The following CCDC110 variants were observed in gnomAD, a reference collection of about 807,000 sequenced individuals.
The protein encoded by CCDC110 is coiled-coil domain-containing protein 110.
Under a neutral mutation model 77.1 loss-of-function variants are expected in CCDC110, and 70 were observed. That is an observed-to-expected ratio of 0.91 (90% CI 0.75 to 1.11). The LOEUF (loss-of-function observed/expected upper bound fraction) is 1.11, where lower values mean the gene tolerates loss of function less well. CCDC110 is among the 50% of genes least tolerant of loss of function. CCDC110 has a pLI of 0.00. For synonymous variants in CCDC110, 295 were observed against 312.5 expected, an observed-to-expected ratio of 0.94 and a Z score of 0.59; for missense variants, 868 against 942.9, an observed-to-expected ratio of 0.92 and a Z score of 1.04.
chr4:185,466,297 C>T (rs1244289595), intron 2 of CCDC110, among the ~76,000 whole-genome samples: 3 of 152,076 alleles, frequency 2.0e-5, no homozygotes, highest in African/African-American at 4.8e-5. Context: ...ATCGTTTGAA[C>T]GTGGGAGGTG....
chr4:185,448,023 T>C (rs1248647812), intron 6 of CCDC110, among the ~76,000 whole-genome samples: 1 of 152,132 alleles, frequency 6.6e-6, no homozygotes, highest in Admixed American at 6.6e-5. Flanking sequence ...ACGTTTTGTC[T>C]TTTTTTCCTT....
At chr4:185,470,641 C>T (rs943657656) in intron 2 of CCDC110, 1 of 516,628 alleles carries the variant, frequency 1.9e-6, no homozygotes, top group Admixed American at 2.3e-5. Context: ...CCGGAGCCGC[C>T]CTGCTGAATG....
In CCDC110 at chr4:185,459,206, G is replaced by A. The variant is rs753439209; in HGVS notation, c.1381C>T (p.Pro461Ser). The part of the protein sequence containing the change: ...ENLNLKSKMK[P>S]LIFTTQSLIQ... ...AGAGATTGTGTGGTAAAGATAAGAG[G>A]TTTCATTTTGGACTTAAGGTTTAGA... is the stretch of plus-strand genomic sequence containing the variant. Residue 461 changes from proline to serine, a missense_variant, in exon 6 of 7, where the codon CCT becomes TCT. Physicochemically the swap from Pro to Ser is moderately conservative, Grantham distance 74. Coordinates refer to ENST00000307588, the MANE Select transcript of CCDC110 (RefSeq NM_152775.4). 6.2e-7 allele frequency: 1 copy of A among 1,603,554 alleles called. No individual in the cohort carries two copies. The highest frequency in any genetic ancestry group is 1.1e-5 in the South Asian group (1 of 88,108).
At chr4:185,452,778 G>T (rs529405087) in intron 6 of CCDC110, among the ~76,000 whole-genome samples, 1 of 151,520 alleles carries the variant, frequency 6.6e-6, no homozygotes, top group Non-Finnish European at 1.5e-5. Flanking sequence ...AACTGTAATC[G>T]CAGCTACTGG....
At chr4:185,470,706 C>T (rs1229106125) in intron 2 of CCDC110, 6 of 610,006 alleles carry the variant, frequency 9.8e-6, no homozygotes, top group Middle Eastern at 2.6e-4. Context: ...TCTCTGTGCC[C>T]GTTTCCTTAT....
At chr4:185,453,910 T>C (rs1580172971) in intron 6 of CCDC110, among the ~76,000 whole-genome samples, 1 of 151,260 alleles carries the variant, frequency 6.6e-6, no homozygotes, top group Non-Finnish European at 1.5e-5. Flanking sequence ...GCCTCCTGGG[T>C]TCACGCGATT....
chr4:185,462,790 A>G, intron 3 of CCDC110, 82 bp from the exon 4 acceptor site: 1 of 1,274,584 alleles, frequency 7.8e-7, no homozygotes, highest in Non-Finnish European at 1.1e-6. Context: ...TATGTCTCCC[A>G]AAGTTGCCTA....
At chr4:185,446,578 G>C (rs1401982643) in intron 6 of CCDC110, among the ~76,000 whole-genome samples, 1 of 151,974 alleles carries the variant, frequency 6.6e-6, no homozygotes, top group African/African-American at 2.4e-5. Context: ...AAATTTCTGG[G>C]CATCTTAAGC....
In CCDC110 at chr4:185,462,985, TAG is replaced by T. The variant is rs1264833845; in HGVS notation, c.171+7_171+8del. ...ATTTTGGAGATGATAAAATGGAATATAGACTCACTTTCAATGCTGATTGTGGT... is the reference window on the plus strand; with the variant it reads ...ATTTTGGAGATGATAAAATGGAATATACTCACTTTCAATGCTGATTGTGGT... On this transcript the variant is annotated splice_region_variant and intron_variant, in intron 3 of 6. Coordinates refer to ENST00000307588, the MANE Select transcript of CCDC110 (RefSeq NM_152775.4). 3.1e-6 allele frequency: 5 copies of T among 1,608,796 alleles called. No individual in the cohort carries two copies. The highest frequency in any genetic ancestry group is 2.7e-5 in the African/African-American group (2 of 74,818).
intron 5 of CCDC110, chr4:185,460,841 C>A: frequency 2.0e-6 from 1 of 491,546 alleles, no homozygotes. Flanking sequence ...AAATGTCCCT[C>A]ACAGACTCTT....
chr4:185,449,778 C>A (rs2095625995), intron 6 of CCDC110: 3 of 535,420 alleles, frequency 5.6e-6, no homozygotes, highest in East Asian at 3.3e-5. Flanking sequence ...AACTCTAATT[C>A]TCTTCCTTAT....
chr4:185,448,932 C>T (rs1052842047), intron 6 of CCDC110, among the ~76,000 whole-genome samples: 3 of 151,840 alleles, frequency 2.0e-5, no homozygotes, highest in East Asian at 1.9e-4. Flanking sequence ...TTTTATCTTC[C>T]GTTTAGTAAT....
At chr4:185,471,103 T>G in intron 1 of CCDC110, 54 bp from the exon 2 acceptor site, 1 of 444,554 alleles carries the variant, frequency 2.2e-6, no homozygotes, top group Admixed American at 3.6e-5. Context: ...GTGGCGGGGC[T>G]GAAGGTGGGG....
chr4:185,449,622 CTTCTT>C, intron 6 of CCDC110: 1 of 1,543,836 alleles, frequency 6.5e-7, no homozygotes, highest in South Asian at 1.2e-5. Context: ...AACTACAAGA[CTTCTT>C]CAGTACCATC....
At position 185,448,867 on chromosome 4, in the gene CCDC110, C is replaced by CATG. The variant is rs371234460; in HGVS notation, c.2462-3326_2462-3325insCAT. Among the ~76,000 whole-genome samples the CATG allele has an allele frequency of 2.0e-5, 3 of 152,028 alleles. No homozygotes were observed. In the East Asian group the frequency reaches 5.8e-4, roughly 29 times the overall value. The stretch of plus-strand genomic sequence containing the variant: ...AGAAAGTTCTATGATGCTGTTAGAA[C>CATG]TTTGGAACAGGGAGAAAGAGAAGAA... On this transcript the variant is annotated intron_variant, in intron 6 of 6. Coordinates refer to ENST00000307588, the MANE Select transcript of CCDC110 (RefSeq NM_152775.4).
rs145839700 is a variant in CCDC110 at position 185,461,888 on chromosome 4, G to A, written c.238-729C>T. Reference sequence around the variant, plus strand: ...TGAGGTGGGCAGATCACCTAAGGTCGGGAGTTTAAGACCAGCCTGGCTAAT... The same window carrying A: ...TGAGGTGGGCAGATCACCTAAGGTCAGGAGTTTAAGACCAGCCTGGCTAAT... On this transcript the variant is annotated intron_variant, in intron 4 of 6. Transcript: ENST00000307588. Among the ~76,000 whole-genome samples, 109 of 152,250 alleles carry A rather than the reference G, an allele frequency of 7.2e-4. No homozygotes were observed. The Middle Eastern group carries it at 0.017, about 24-fold the overall frequency.
intron 2 of CCDC110, among the ~76,000 whole-genome samples, chr4:185,467,951 T>C: frequency 6.6e-6 from 1 of 152,228 alleles, no homozygotes; most frequent in Non-Finnish European, 1.5e-5. Flanking sequence ...GTATTTTTAG[T>C]AGAGACGGGG....
rs1355351007 is a variant in CCDC110 at position 185,458,882 on chromosome 4, T to C, written c.1705A>G (p.Ile569Val). 1.9e-6 allele frequency: 3 copies of C among 1,606,902 alleles called. No individual in the cohort carries two copies. The highest frequency in any genetic ancestry group is 2.2e-5 in the East Asian group (1 of 44,714). ...IVNNENNRMS[I>V]EMEAMKTNIL... ...TTGGTTTTCATTGCTTCCATTTCTA[T>C]ACTCATTCGATTATTTTCATTATTT... Residue 569 changes from isoleucine (I) to valine (V), a missense_variant, in exon 6 of 7, where the codon ATA becomes GTA. Ile to Val is a conservative substitution (Grantham distance 29). Transcript: ENST00000307588.
chr4:185,471,056 C>T lies in CCDC110; in HGVS notation c.11-7G>A, dbSNP rs1561173473. ...TCTTCCCGGTGCTGCTTTTCTGTAA[C>T]AGAACCGTCCGGGGCTGTTCTGTCG... On this transcript the variant is annotated splice_polypyrimidine_tract_variant and splice_region_variant and intron_variant, in intron 1 of 6. Coordinates refer to ENST00000307588, the MANE Select transcript of CCDC110 (RefSeq NM_152775.4). 2 of 1,531,034 alleles carry T rather than the reference C, an allele frequency of 1.3e-6. No homozygotes were observed. Among genetic ancestry groups the T allele is most frequent in the African/African-American group, 1.9e-5 (1 of 51,836 alleles). The allele number at this position is 1,531,034 out of a possible 1,614,324, so 94.8% of individuals were successfully genotyped here.
Sources: allele counts gnomAD v4.1 joint callset (sites outside exome capture counted in the v4.1 genomes callset), GRCh38; gene constraint gnomAD v4.1.1; transcripts MANE v1.5; gene names NCBI Gene and HGNC (gene_info 2026-07-23, HGNC 2026-07-21).